Variants in VWA3B observed in about 807,000 individuals in gnomAD.
The protein encoded by VWA3B is von Willebrand factor A domain containing 3B, also known as von Willebrand factor A domain-containing protein 3B.
VWA3B carries 138 observed loss-of-function variants against 158.3 expected under a neutral mutation model. That is an observed-to-expected ratio of 0.87 (90% confidence interval 0.76 to 1.00). VWA3B has a LOEUF of 1.00. VWA3B is among the 50% of genes least tolerant of loss of function. The pLI, the probability that VWA3B is intolerant of heterozygous loss-of-function variation, is 0.00. For synonymous variants in VWA3B, 596 were observed against 587.3 expected, an observed-to-expected ratio of 1.01 and a Z score of -0.21; for missense variants, 1,555 against 1,565.1, an observed-to-expected ratio of 0.99 and a Z score of 0.11.
chr2:98,160,991 C>T (rs1422629052), intron 7 of VWA3B, among the ~76,000 whole-genome samples: 2 of 152,210 alleles, frequency 1.3e-5, no homozygotes, highest in Admixed American at 6.5e-5. Context: ...AATTCAGAAA[C>T]ATCAACTCTG....
intron 7 of VWA3B, among the ~76,000 whole-genome samples, chr2:98,135,437 G>A (rs1410737291): frequency 2.3e-5 from 3 of 131,984 alleles, no homozygotes; most frequent in South Asian, 2.6e-4. Flanking sequence ...CCGGGTTCAC[G>A]CCATTCTCCT....
In VWA3B at chr2:98,263,275, C is replaced by T. The variant is rs1687593880; in HGVS notation, c.2843+7101C>T. Among the ~76,000 whole-genome samples, 2 of 151,902 alleles carry T rather than the reference C, an allele frequency of 1.3e-5. 1 individual carries two copies. The highest frequency in any genetic ancestry group is 4.8e-5 in the African/African-American group (2 of 41,370). ...CCTTTCTTTTTCTTGCCTAATTTCT[C>T]TAAGACTTCCAGTACTATGTTGAAT... On this transcript the variant is annotated intron_variant, in intron 21 of 27. Coordinates refer to ENST00000477737, the MANE Select transcript of VWA3B (RefSeq NM_144992.5).
At chr2:98,248,957 T>C (rs1686620104) in intron 19 of VWA3B, among the ~76,000 whole-genome samples, 1 of 151,528 alleles carries the variant, frequency 6.6e-6, no homozygotes, top group Admixed American at 6.6e-5. Context: ...TTCTTAAACA[T>C]AGCAACAACA....
At chr2:98,294,261 G>C (rs1689669096) in intron 23 of VWA3B, among the ~76,000 whole-genome samples, 1 of 149,456 alleles carries the variant, frequency 6.7e-6, no homozygotes, top group African/African-American at 2.5e-5. Flanking sequence ...CAGAGCATAG[G>C]CTTGATGTCA....
At chr2:98,285,297 AT>A (rs1689100808) in intron 22 of VWA3B, among the ~76,000 whole-genome samples, 1 of 152,176 alleles carries the variant, frequency 6.6e-6, no homozygotes, top group Non-Finnish European at 1.5e-5. Flanking sequence ...ATAATATTCC[AT>A]TGTATGGATA....
chr2:98,290,629 T>G lies in VWA3B; in HGVS notation c.3157+7T>G. 1 of 1,566,644 alleles carries G rather than the reference T, an allele frequency of 6.4e-7. No homozygotes were observed. Among genetic ancestry groups the G allele is most frequent in the South Asian group, 1.2e-5 (1 of 84,366 alleles). On this transcript the variant is annotated splice_region_variant and intron_variant, in intron 23 of 27. Coordinates refer to ENST00000477737, the MANE Select transcript of VWA3B (RefSeq NM_144992.5). ...AATGGCTTTTATTTTCCAGGTAGTT[T>G]TTTTTTTTTTAATTTCGTGAGGCTT...
At chr2:98,160,985 C>G (rs1678525208) in intron 7 of VWA3B, among the ~76,000 whole-genome samples, 1 of 152,184 alleles carries the variant, frequency 6.6e-6, no homozygotes, top group African/African-American at 2.4e-5. Flanking sequence ...TTTTAAAATT[C>G]AGAAACATCA....
At chr2:98,114,480 T>G (rs1347555420) in intron 2 of VWA3B, among the ~76,000 whole-genome samples, 1 of 152,140 alleles carries the variant, frequency 6.6e-6, no homozygotes, top group Non-Finnish European at 1.5e-5. Context: ...TCACCCCTTG[T>G]GATTGGGGAG....
At chr2:98,232,627 G>A (rs958608081) in intron 16 of VWA3B, among the ~76,000 whole-genome samples, 2 of 152,036 alleles carry the variant, frequency 1.3e-5, no homozygotes, top group African/African-American at 2.4e-5. Context: ...TATTATGTTA[G>A]GAACTCTGCA....
chr2:98,099,347 C>G (rs1296893515), intron 2 of VWA3B: 1 of 152,154 alleles, frequency 6.6e-6, no homozygotes, highest in African/African-American at 2.4e-5. Flanking sequence ...TTGGTGAGTA[C>G]AGAATTCTTG....
At chr2:98,292,264 G>T (rs748577921) in intron 23 of VWA3B, among the ~76,000 whole-genome samples, 1 of 151,970 alleles carries the variant, frequency 6.6e-6, no homozygotes, top group South Asian at 2.1e-4. Context: ...TTGCAGATAC[G>T]TAGCTGGCCT....
chr2:98,228,291 C>G lies in VWA3B; in HGVS notation c.2109C>G (p.Ile703Met). ...KMQDLYSESLIMDWWYNAEKD... is the reference protein window; with the variant it reads ...KMQDLYSESLMMDWWYNAEKD... ...AAGACCTTTATTCTGAGTCCTTGAT[C>G]ATGGACTGGTGGTACAATGCAGAAA... Residue 703 changes from isoleucine to methionine, a missense_variant, in exon 15 of 28, where the codon ATC becomes ATG. Ile to Met is a conservative substitution (Grantham distance 10). Transcript: ENST00000477737. 6.2e-7 allele frequency: 1 copy of G among 1,614,016 alleles called. No individual in the cohort carries two copies. The highest frequency in any genetic ancestry group is 8.5e-7 in the Non-Finnish European group (1 of 1,179,994).
rs1574155815 is a variant in VWA3B, at chr2:98,234,739, C to T, written c.2400C>T (p.Ser800=). 3.1e-6 allele frequency: 5 copies of T among 1,614,218 alleles called. No individual in the cohort carries two copies. The highest frequency in any genetic ancestry group is 4.2e-6 in the Non-Finnish European group (5 of 1,180,030). ...SERKDGLSNA[S]SRRTALSDKE... is the part of the protein sequence containing the mutation. ...GGAAGGATGGCCTCTCCAATGCCAG[C>T]AGCCGGAGGACTGCTCTAAGTGACA... The change falls in exon 17 of 28, where the codon AGC becomes AGT. Residue 800 remains serine (S), a synonymous_variant. Coordinates refer to ENST00000477737, the MANE Select transcript of VWA3B (RefSeq NM_144992.5).
chr2:98,319,024 G>C, the VWA3B span, among the ~76,000 whole-genome samples: 1 of 152,196 alleles, frequency 6.6e-6, no homozygotes, highest in African/African-American at 2.4e-5. Flanking sequence ...TCCACAGTTG[G>C]TTGAATCCAC....
intron 7 of VWA3B, among the ~76,000 whole-genome samples, chr2:98,158,562 G>A (rs553430450): frequency 6.6e-6 from 1 of 152,328 alleles, no homozygotes; most frequent in Non-Finnish European, 1.5e-5. Flanking sequence ...TTGAGTGACA[G>A]GCAGCCAGGA....
intron 4 of VWA3B, among the ~76,000 whole-genome samples, chr2:98,120,640 C>T (rs1207783061): frequency 6.6e-6 from 1 of 152,178 alleles, no homozygotes; most frequent in Admixed American, 6.5e-5. Context: ...TGGGGGCAAT[C>T]GGGCCAGTTT....
chr2:98,254,844 G>A (rs547379246), intron 20 of VWA3B, among the ~76,000 whole-genome samples: 39 of 152,248 alleles, frequency 2.6e-4, no homozygotes, highest in African/African-American at 8.7e-4. Context: ...CACCCTTTCT[G>A]TGTTCTTACC....
rs534213863 is a variant in VWA3B at position 98,173,921 on chromosome 2, C to T, written c.1115-7095C>T. On this transcript the variant is annotated intron_variant, in intron 8 of 27. Transcript: ENST00000477737. ...GGCGGAGGCTGCAGTGAGCCCAGAT[C>T]GCACCACTGCACTCCAGCCTGGGCG... 2.3e-3 allele frequency among the ~76,000 whole-genome samples: 353 copies of T among 151,706 alleles called. 3 individuals carry two copies. The highest frequency in any genetic ancestry group is 0.014 in the Middle Eastern group (4 of 292).
chr2:98,106,303 G>C (rs1573774079), intron 2 of VWA3B, among the ~76,000 whole-genome samples: 1 of 152,072 alleles, frequency 6.6e-6, no homozygotes, highest in East Asian at 1.9e-4. Context: ...TCTTGAAATT[G>C]GGCCGGGTGA....
Sources: allele counts gnomAD v4.1 joint callset (sites outside exome capture counted in the v4.1 genomes callset), GRCh38; gene constraint gnomAD v4.1.1; transcripts MANE v1.5; gene names NCBI Gene and HGNC (gene_info 2026-07-23, HGNC 2026-07-21).